The following NDUFA10 variants were observed in gnomAD, a reference collection of about 807,000 sequenced individuals.
NDUFA10 encodes the protein NADH:ubiquinone oxidoreductase subunit A10, also known as NADH dehydrogenase [ubiquinone] 1 alpha subcomplex subunit 10, mitochondrial.
A neutral mutation model predicts 47.8 loss-of-function variants in NDUFA10; 40 were observed. That is an observed-to-expected ratio of 0.84 (90% CI 0.65 to 1.09). The LOEUF (loss-of-function observed/expected upper bound fraction) is 1.09. Ranked by LOEUF, NDUFA10 falls within the 50% of genes least tolerant of loss-of-function variation. The pLI, the probability that NDUFA10 is intolerant of heterozygous loss-of-function variation, is 0.00. For synonymous variants in NDUFA10, 183 were observed against 172.2 expected (o/e 1.06, Z -0.49); for missense variants, 413 against 451.1 (o/e 0.92, Z 0.76).
intron 4 of NDUFA10, among the ~76,000 whole-genome samples, chr2:239,905,381 A>G (rs13405648): frequency 0.16 from 25,097 of 152,172 alleles, 2,109 homozygotes; most frequent in South Asian, 0.19. Context: ...ATTTCCAGGC[A>G]CCACATGTGC....
intron 8 of NDUFA10, among the ~76,000 whole-genome samples, chr2:239,990,648 GTCTTACTGC>G (rs1559362702): frequency 1.3e-5 from 2 of 152,152 alleles, no homozygotes; most frequent in African/African-American, 4.8e-5. Flanking sequence ...TGCAGCCAGC[GTCTTACTGC>G]TCTGTTCTGT....
chr2:240,018,255 G>A (rs999628939), intron 4 of NDUFA10, among the ~76,000 whole-genome samples: 10 of 152,308 alleles, frequency 6.6e-5, no homozygotes, highest in African/African-American at 2.4e-4. Context: ...GCTAAGAGCG[G>A]GGGAGGTTCT....
chr2:239,995,289 A>G (rs1227571553), intron 8 of NDUFA10, among the ~76,000 whole-genome samples: 4 of 152,028 alleles, frequency 2.6e-5, no homozygotes, highest in African/African-American at 9.7e-5. Context: ...GAAAAAAAAA[A>G]GTGGAAGGAA....
intron 4 of NDUFA10, among the ~76,000 whole-genome samples, chr2:239,896,679 ATAGAGG>A (rs1693404208): frequency 6.6e-6 from 1 of 152,228 alleles, no homozygotes. Context: ...ATTTGATGCT[ATAGAGG>A]TAAAGGAAGT....
intron 9 of NDUFA10, among the ~76,000 whole-genome samples, chr2:239,977,477 G>A (rs562694838): frequency 6.6e-6 from 1 of 152,330 alleles, no homozygotes; most frequent in African/African-American, 2.4e-5. Context: ...CCTTCACGCA[G>A]GTGAGAGGAT....
At chr2:240,010,526 G>C (rs968652282) in intron 6 of NDUFA10, among the ~76,000 whole-genome samples, 19 of 152,068 alleles carry the variant, frequency 1.2e-4, no homozygotes, top group African/African-American at 4.3e-4. Context: ...TGTTTATGCT[G>C]TTTATTCACG....
intron 4 of NDUFA10, among the ~76,000 whole-genome samples, chr2:239,934,172 C>A (rs985850113): frequency 6.6e-6 from 1 of 152,188 alleles, no homozygotes; most frequent in South Asian, 2.1e-4. Context: ...AGCCACCATG[C>A]CTGGCCAGAT....
At chr2:239,956,750 G>A (rs1016512023), downstream of NDUFA10, among the ~76,000 whole-genome samples, 7 of 152,180 alleles carry the variant, frequency 4.6e-5, 1 homozygote, top group Admixed American at 1.3e-4. Context: ...TCGTTCTGGT[G>A]GGAGGAGTGG....
At chr2:239,946,531 A>G (rs1256139765) in intron 4 of NDUFA10, among the ~76,000 whole-genome samples, 3 of 152,176 alleles carry the variant, frequency 2.0e-5, no homozygotes, top group Non-Finnish European at 4.4e-5. Flanking sequence ...CTGCAATCAC[A>G]AACACCCCCA....
chr2:239,966,163 G>C (rs1035793964), intron 9 of NDUFA10, among the ~76,000 whole-genome samples: 2 of 152,202 alleles, frequency 1.3e-5, no homozygotes, highest in Admixed American at 6.5e-5. Flanking sequence ...CCTGGAGCTG[G>C]GAAGGGATTT....
At chr2:240,017,913 T>A in intron 4 of NDUFA10, 3 of 1,558,846 alleles carry the variant, frequency 1.9e-6, no homozygotes, top group Non-Finnish European at 2.6e-6. Flanking sequence ...AGTCTACAGA[T>A]GAAAATGCCG....
At chr2:239,999,386 C>T (rs996208902) in intron 8 of NDUFA10, among the ~76,000 whole-genome samples, 3 of 152,244 alleles carry the variant, frequency 2.0e-5, no homozygotes, top group Admixed American at 6.5e-5. Context: ...TGCCCAGAGG[C>T]TGGCTCCTTG....
chr2:240,012,052 G>T, intron 5 of NDUFA10: 1 of 337,004 alleles, frequency 3.0e-6, no homozygotes, highest in Non-Finnish European at 5.8e-6. Flanking sequence ...ATTGGGGGCA[G>T]CGGCCTGTCT....
intron 4 of NDUFA10, among the ~76,000 whole-genome samples, chr2:239,951,787 G>C (rs1028131591): frequency 6.6e-6 from 1 of 152,240 alleles, no homozygotes; most frequent in African/African-American, 2.4e-5. Flanking sequence ...TAACTAAAAA[G>C]GGGAAACAAG....
At chr2:239,964,407 C>T (rs1046619182) in intron 9 of NDUFA10, among the ~76,000 whole-genome samples, 4 of 152,164 alleles carry the variant, frequency 2.6e-5, no homozygotes, top group Non-Finnish European at 4.4e-5. Flanking sequence ...GAGCCAGCCC[C>T]GCCTGCACCG....
chr2:239,927,659 A>G (rs1385966701), intron 4 of NDUFA10, among the ~76,000 whole-genome samples: 1 of 152,218 alleles, frequency 6.6e-6, no homozygotes, highest in African/African-American at 2.4e-5. Flanking sequence ...TTCCATTTAT[A>G]CAAAATTCTC....
chr2:239,964,146 T>C (rs1694967030), intron 9 of NDUFA10, among the ~76,000 whole-genome samples: 1 of 151,426 alleles, frequency 6.6e-6, no homozygotes, highest in Non-Finnish European at 1.5e-5. Context: ...TATCTCAAGA[T>C]GCCCAGCCTC....
chr2:240,011,560 A>G, intron 6 of NDUFA10, 57 bp downstream of exon 6: 3 of 1,418,124 alleles, frequency 2.1e-6, no homozygotes, highest in Non-Finnish European at 3.0e-6. Context: ...GTTGGGGCCT[A>G]AGAAACGAGT....
intron 9 of NDUFA10, chr2:239,969,870 G>C: frequency 2.3e-6 from 1 of 434,968 alleles, no homozygotes; most frequent in South Asian, 1.6e-5. Context: ...GAAAGAAAAA[G>C]GCCAAAAACA....
Sources: allele counts gnomAD v4.1 joint callset (sites outside exome capture counted in the v4.1 genomes callset), GRCh38; gene constraint gnomAD v4.1.1; transcripts MANE v1.5; gene names NCBI Gene and HGNC (gene_info 2026-07-23, HGNC 2026-07-21).